ARHGAP15: variants seen among roughly 807,000 people sequenced by gnomAD.
ARHGAP15 encodes rho GTPase-activating protein 15.
A neutral mutation model predicts 63.7 loss-of-function variants in ARHGAP15; 51 were observed. The observed-to-expected ratio is 0.80, with a 90% confidence interval of 0.64 to 1.01. The LOEUF is 1.01. Ranked by LOEUF, ARHGAP15 falls within the 50% of genes least tolerant of loss-of-function variation. The probability of loss-of-function intolerance (pLI) is 0.00; values close to 1 mark genes in which losing one functional copy is unlikely to be tolerated. For synonymous variants in ARHGAP15, 191 were observed against 193.8 expected, an observed-to-expected ratio of 0.99 and a Z score of 0.12; for missense variants, 560 against 564.6, an observed-to-expected ratio of 0.99 and a Z score of 0.08.
At chr2:143,661,866 T>A (rs189636467) in intron 12 of ARHGAP15, among the ~76,000 whole-genome samples, 1 of 152,282 alleles carries the variant, frequency 6.6e-6, no homozygotes, top group African/African-American at 2.4e-5. Context: ...TCGGACCGGC[T>A]TAAAAAATGG....
chr2:143,194,010 T>C (rs1691779680), intron 2 of ARHGAP15, among the ~76,000 whole-genome samples: 1 of 152,230 alleles, frequency 6.6e-6, no homozygotes, highest in Non-Finnish European at 1.5e-5. Context: ...TGATTCTAAT[T>C]TGTTAAGAAT....
At chr2:143,333,591 A>G (rs115263504) in intron 6 of ARHGAP15, among the ~76,000 whole-genome samples, 1,954 of 152,310 alleles carry the variant, frequency 0.013, 41 homozygotes, top group African/African-American at 0.045. Flanking sequence ...TCAAAAGTAA[A>G]TATACTGTAG....
chr2:143,507,932 C>T (rs1008885417), intron 9 of ARHGAP15, among the ~76,000 whole-genome samples: 1 of 151,470 alleles, frequency 6.6e-6, no homozygotes, highest in Admixed American at 6.6e-5. Flanking sequence ...TTCACTACCC[C>T]CCTGATGAGC....
chr2:143,351,378 C>G (rs1157981027), intron 6 of ARHGAP15: 1 of 152,080 alleles, frequency 6.6e-6, no homozygotes, highest in African/African-American at 2.4e-5. Context: ...TAACTGAAGA[C>G]CTCAAAGCTG....
At chr2:143,236,186 T>A (rs78314080) in intron 5 of ARHGAP15, 10,336 of 504,572 alleles carry the variant, frequency 0.02, 161 homozygotes, top group Non-Finnish European at 0.028. Flanking sequence ...TTCAAATGAA[T>A]AGTATATGAT....
chr2:143,129,861 A>C (rs1339860517), intron 1 of ARHGAP15, among the ~76,000 whole-genome samples: 2 of 152,206 alleles, frequency 1.3e-5, no homozygotes, highest in African/African-American at 4.8e-5. Flanking sequence ...AGAAAAGGGT[A>C]TAACAATGAG....
intron 10 of ARHGAP15, among the ~76,000 whole-genome samples, chr2:143,544,179 A>G (rs891840662): frequency 2.6e-5 from 4 of 152,168 alleles, no homozygotes; most frequent in African/African-American, 9.7e-5. Flanking sequence ...GATTTCCCCA[A>G]TAAGAAATAG....
chr2:143,193,617 G>C (rs867180858), intron 2 of ARHGAP15: 4 of 152,492 alleles, frequency 2.6e-5, no homozygotes, highest in Non-Finnish European at 5.9e-5. Flanking sequence ...TTAAATCTTT[G>C]ACTGAGAACC....
intron 10 of ARHGAP15, among the ~76,000 whole-genome samples, chr2:143,529,173 T>C (rs1485572308): frequency 6.6e-6 from 1 of 152,146 alleles, no homozygotes; most frequent in East Asian, 1.9e-4. Context: ...CCTCCTATTT[T>C]ATTTCTTAAC....
intron 6 of ARHGAP15, among the ~76,000 whole-genome samples, chr2:143,338,446 G>T (rs1684905192): frequency 1.3e-5 from 2 of 152,152 alleles, no homozygotes; most frequent in Admixed American, 1.3e-4. Context: ...ACTAGAATTT[G>T]TTAGTGCAAG....
At chr2:143,729,029 T>A (rs1031018051) in intron 13 of ARHGAP15, among the ~76,000 whole-genome samples, 9 of 152,214 alleles carry the variant, frequency 5.9e-5, no homozygotes, top group African/African-American at 2.2e-4. Context: ...CTCCGCGATG[T>A]ACCAGTAAAA....
At chr2:143,723,150 A>T (rs1332750311) in intron 13 of ARHGAP15, among the ~76,000 whole-genome samples, 1 of 152,256 alleles carries the variant, frequency 6.6e-6, no homozygotes, top group East Asian at 1.9e-4. Flanking sequence ...GCCTAGGAGC[A>T]CTAGCCTAGG....
Position 143,548,104 on chromosome 2 carries a change from C to T in ARHGAP15, c.926-8304C>T, listed in dbSNP as rs540395312. Among the ~76,000 whole-genome samples the T allele has an allele frequency of 5.9e-5, 9 of 152,152 alleles. No individual in the cohort carries two copies. The South Asian group carries it at 1.7e-3, about 28-fold the overall frequency. Reference sequence around the variant, plus strand: ...TGTCTTCCCTGGTGTCCAAATAAGACGAGGTTTGTTAAGAGCTCAGGACTG... The same window carrying T: ...TGTCTTCCCTGGTGTCCAAATAAGATGAGGTTTGTTAAGAGCTCAGGACTG... On this transcript the variant is annotated intron_variant, in intron 10 of 13. Coordinates refer to ENST00000295095, the MANE Select transcript of ARHGAP15 (RefSeq NM_018460.4).
chr2:143,620,731 A>T lies in ARHGAP15; in HGVS notation c.1004-3402A>T, dbSNP rs561465365. On this transcript the variant is annotated intron_variant, in intron 11 of 13. Transcript: ENST00000295095. ...TCTGTAAAATGGACATGATGATAAC[A>T]ATAGCATCTTCCTCATTCCTTGCTG... 1.1e-4 allele frequency among the ~76,000 whole-genome samples: 17 copies of T among 152,342 alleles called. No individual in the cohort carries two copies. The South Asian group carries it at 1.4e-3, about 13-fold the overall frequency.
chr2:143,541,266 T>G (rs34584085), intron 10 of ARHGAP15, among the ~76,000 whole-genome samples: 47,783 of 152,036 alleles, frequency 0.31, 8,043 homozygotes, highest in East Asian at 0.42. Context: ...GTTATTCTAG[T>G]TATCCATTCG....
At chr2:143,588,396 T>C (rs1440052216) in intron 11 of ARHGAP15, among the ~76,000 whole-genome samples, 1 of 152,154 alleles carries the variant, frequency 6.6e-6, no homozygotes, top group Non-Finnish European at 1.5e-5. Context: ...CCAGGAGACA[T>C]GTGCAGAACG....
chr2:143,335,759 G>A (rs942935803), intron 6 of ARHGAP15, among the ~76,000 whole-genome samples: 2 of 152,252 alleles, frequency 1.3e-5, no homozygotes, highest in East Asian at 3.9e-4. Flanking sequence ...TCCCATAGGT[G>A]CATGTGGTAG....
chr2:143,664,340 G>A (rs1315593909), intron 12 of ARHGAP15, among the ~76,000 whole-genome samples: 3 of 151,134 alleles, frequency 2.0e-5, no homozygotes, highest in Non-Finnish European at 3.0e-5. Flanking sequence ...CGAAATGAAG[G>A]CAGAAATAAA....
At chr2:143,570,203 G>T (rs749282245) in intron 11 of ARHGAP15, among the ~76,000 whole-genome samples, 4 of 152,028 alleles carry the variant, frequency 2.6e-5, no homozygotes, top group African/African-American at 7.2e-5. Flanking sequence ...ATTTTTTAAA[G>T]GAAAGAATAT....
Sources: gnomAD v4.1 joint callset for allele counts (sites outside exome capture counted in the v4.1 genomes callset) on GRCh38, gnomAD v4.1.1 for gene constraint, MANE v1.5 for transcripts, NCBI Gene and HGNC (gene_info 2026-07-23, HGNC 2026-07-21) for gene names.